The following LAMB3 variants were observed in gnomAD, a reference collection of about 807,000 sequenced individuals.
The protein encoded by LAMB3 is laminin subunit beta 3.
Under a neutral mutation model 140.3 loss-of-function variants are expected in LAMB3, and 104 were observed. That is an observed-to-expected ratio of 0.74 (90% CI 0.63 to 0.87). The LOEUF is 0.87. Among genes scored for constraint, LAMB3 ranks in the 40% least tolerant of loss-of-function variants. The probability of loss-of-function intolerance (pLI) is 0.00; values close to 1 mark genes in which losing one functional copy is unlikely to be tolerated. For missense variants in LAMB3, 1,531 were observed against 1,575.2 expected, an observed-to-expected ratio of 0.97 and a Z score of 0.47; for synonymous variants, 592 against 602.9, an observed-to-expected ratio of 0.98 and a Z score of 0.26.
chr1:209,630,576 C>T (rs1666644024), intron 9 of LAMB3, 39 bp downstream of exon 9: 2 of 1,613,476 alleles, frequency 1.2e-6, no homozygotes, highest in African/African-American at 1.3e-5. Flanking sequence ...CAGCACTCGA[C>T]CCAGACCCTA....
chr1:209,626,842 C>T (rs928675333), intron 13 of LAMB3, 25 bp downstream of exon 13: 6 of 1,574,394 alleles, frequency 3.8e-6, no homozygotes, highest in South Asian at 2.2e-5. Context: ...AGAGCCTCAG[C>T]GTCCCCCAGG....
chr1:209,646,736 A>G (rs376690018), intron 3 of LAMB3, among the ~76,000 whole-genome samples: 1 of 152,248 alleles, frequency 6.6e-6, no homozygotes, highest in African/African-American at 2.4e-5. Flanking sequence ...GGAGGCAGGC[A>G]GGAGAGAAGG....
In LAMB3 at chr1:209,646,010, T is replaced by C. The variant is rs79855046; in HGVS notation, c.183+3954A>G. Among the ~76,000 whole-genome samples the C allele has an allele frequency of 8.1e-3, 1,240 of 152,280 alleles. 12 individuals are homozygous for C. The highest frequency in any genetic ancestry group is 0.028 in the African/African-American group (1,144 of 41,538). On this transcript the variant is annotated intron_variant, in intron 3 of 22. Coordinates refer to ENST00000356082, the MANE Select transcript of LAMB3 (RefSeq NM_000228.3). ...TGTTCCTCAGCTTGTTTCCAAGAGA[T>C]AAAAATGACAGCTGTTTGGCTTAGA...
At chr1:209,624,878 G>GGA (rs57405851) in intron 14 of LAMB3, among the ~76,000 whole-genome samples, 25 of 139,904 alleles carry the variant, frequency 1.8e-4, no homozygotes, top group African/African-American at 5.9e-4. Flanking sequence ...AAGAAAGAGA[G>GGA]AGAGGAAGGA....
At position 209,633,562 on chromosome 1, in the gene LAMB3, C is replaced by A. The variant is rs564445856; in HGVS notation, c.565-429G>T. Among the ~76,000 whole-genome samples the A allele has an allele frequency of 3.2e-3, 449 of 140,758 alleles. 1 individual carries two copies. Among genetic ancestry groups the A allele is most frequent in the African/African-American group, 0.011 (423 of 39,326 alleles). 92.3% of individuals were successfully genotyped at this position (140,758 alleles called of 152,430 possible). ...AGTTTCAACTATGCTTTGATTTATT[C>A]AAAAAAAAAAAATCCACTCATCATC... On this transcript the variant is annotated intron_variant, in intron 6 of 22. Transcript: ENST00000356082.
At position 209,633,125 on chromosome 1, in the gene LAMB3, A is replaced by C. The variant is rs1379091672; in HGVS notation, c.573T>G (p.Leu191=). 1 of 1,611,626 alleles carries C rather than the reference A, an allele frequency of 6.2e-7. No homozygotes were observed. Among genetic ancestry groups the C allele is most frequent in the African/African-American group, 1.3e-5 (1 of 74,984 alleles). The change falls in exon 7 of 23, where the codon CTT becomes CTG. Residue 191 remains leucine (L), a synonymous_variant. Transcript: ENST00000356082. ...TCCCAGACACTAAATCCATAAGGTT[A>C]AGTTGGACCTACAGAGGGAAGGGAA... is the stretch of plus-strand genomic sequence containing the variant. ...NARLNGGKVQ[L]NLMDLVSGIP...
Position 209,645,200 on chromosome 1 carries a change from A to G in LAMB3, c.183+4764T>C, listed in dbSNP as rs150477974. ...CTTCTATCCCCTCAAAACAAGACTC[A>G]TTTTGGGTCTCGTGGGTCCCTTTGC... On this transcript the variant is annotated intron_variant, in intron 3 of 22. Coordinates refer to ENST00000356082, the MANE Select transcript of LAMB3 (RefSeq NM_000228.3). Among the ~76,000 whole-genome samples, 1,107 of 152,032 alleles carry G rather than the reference A, an allele frequency of 7.3e-3. 5 individuals are homozygous for G. The highest frequency in any genetic ancestry group is 8.5e-3 in the Admixed American group (130 of 15,276).
At chr1:209,645,722 GA>G (rs36106096) in intron 3 of LAMB3, among the ~76,000 whole-genome samples, 187 of 137,374 alleles carry the variant, frequency 1.4e-3, no homozygotes, top group Middle Eastern at 3.8e-3. Flanking sequence ...TGTCCCAGGG[GA>G]AAAAAAAAAA....
rs1344981381 is a variant in LAMB3, at chr1:209,615,128, C to G, written c.*143G>C. ...TCAGCTGCAGCTCAGGGTAATCTTA[C>G]TAGCTACACACCAGGGGTGGTCCAG... On this transcript the variant is annotated 3_prime_UTR_variant, in exon 23 of 23. Transcript: ENST00000356082. 1 of 962,680 alleles carries G rather than the reference C, an allele frequency of 1.0e-6. No homozygotes were observed. Among genetic ancestry groups the G allele is most frequent in the African/African-American group, 1.6e-5 (1 of 62,364 alleles). The allele number at this position is 962,680 out of a possible 1,614,324, so 59.6% of individuals were successfully genotyped here. A position where few individuals can be genotyped will look rare whatever the true frequency, so the allele number is the denominator to read the frequency against.
chr1:209,645,235 A>G (rs1011555511), intron 3 of LAMB3, among the ~76,000 whole-genome samples: 2 of 152,180 alleles, frequency 1.3e-5, no homozygotes, highest in African/African-American at 4.8e-5. Flanking sequence ...CAAAAGTCAC[A>G]TCTAAGTTTC....
At chr1:209,624,544 C>T (rs1666345245) in intron 14 of LAMB3, among the ~76,000 whole-genome samples, 1 of 152,196 alleles carries the variant, frequency 6.6e-6, no homozygotes, top group African/African-American at 2.4e-5. Context: ...CACCAGCTCC[C>T]TCCTCCAAGC....
chr1:209,649,583 C>T (rs947205948), intron 3 of LAMB3, among the ~76,000 whole-genome samples: 4 of 152,166 alleles, frequency 2.6e-5, no homozygotes, highest in African/African-American at 7.2e-5. Flanking sequence ...GAACACAGTT[C>T]GGCCCACACA....
At chr1:209,624,847 C>T (rs182150343) in intron 14 of LAMB3, among the ~76,000 whole-genome samples, 4 of 140,592 alleles carry the variant, frequency 2.8e-5, no homozygotes, top group Admixed American at 7.7e-5. Flanking sequence ...ATCATAGATG[C>T]TCTAAAATTA....
At chr1:209,636,352 T>C (rs1304590351) in intron 5 of LAMB3, among the ~76,000 whole-genome samples, 1 of 152,118 alleles carries the variant, frequency 6.6e-6, no homozygotes, top group Non-Finnish European at 1.5e-5. Flanking sequence ...CAAAAATGTC[T>C]CCAGAAATTG....
chr1:209,636,609 C>T (rs1269845530), intron 5 of LAMB3, among the ~76,000 whole-genome samples: 1 of 152,190 alleles, frequency 6.6e-6, no homozygotes, highest in African/African-American at 2.4e-5. Flanking sequence ...TGCCACCAAG[C>T]ACATTTCACC....
intron 18 of LAMB3, among the ~76,000 whole-genome samples, chr1:209,621,719 C>T (rs78289157): frequency 3.9e-5 from 6 of 152,296 alleles, no homozygotes; most frequent in African/African-American, 1.2e-4. Context: ...CAATGTCACA[C>T]GAGTCTCCCG....
At chr1:209,651,339 A>G (rs1317244303) in intron 1 of LAMB3, 3 of 278,992 alleles carry the variant, frequency 1.1e-5, no homozygotes, top group Non-Finnish European at 2.1e-5. Flanking sequence ...GAAAAGCTGT[A>G]GAAAGGGCCA....
At chr1:209,622,224 G>C (rs1404161188) in intron 18 of LAMB3, among the ~76,000 whole-genome samples, 1 of 152,250 alleles carries the variant, frequency 6.6e-6, no homozygotes, top group African/African-American at 2.4e-5. Flanking sequence ...GGAGTTGAGA[G>C]CTCATTCCAA....
chr1:209,618,418 T>C, intron 19 of LAMB3, 34 bp downstream of exon 19: 1 of 1,606,304 alleles, frequency 6.2e-7, no homozygotes, highest in Non-Finnish European at 8.5e-7. Flanking sequence ...AGCTTAATCC[T>C]GGGCAGAGAG....
Sources: gnomAD v4.1 joint callset for allele counts (sites outside exome capture counted in the v4.1 genomes callset) on GRCh38, gnomAD v4.1.1 for gene constraint, MANE v1.5 for transcripts, NCBI Gene and HGNC (gene_info 2026-07-23, HGNC 2026-07-21) for gene names.